ACOT12: variants seen among roughly 807,000 people sequenced by gnomAD.
ACOT12 encodes the protein acetyl-coenzyme A thioesterase.
In ACOT12, 51 loss-of-function variants were observed where a neutral mutation model predicts 67.7. The ratio of observed to expected loss-of-function variants is 0.75; its 90% CI spans 0.60 to 0.95. The LOEUF (loss-of-function observed/expected upper bound fraction) is 0.95, where lower values mean the gene tolerates loss of function less well. ACOT12 is among the 40% of genes least tolerant of loss of function. The probability of loss-of-function intolerance (pLI) is 0.00; values close to 1 mark genes in which losing one functional copy is unlikely to be tolerated. For synonymous variants in ACOT12, 251 were observed against 244.6 expected, an observed-to-expected ratio of 1.03 and a Z score of -0.24; for missense variants, 734 against 708.1, an observed-to-expected ratio of 1.04 and a Z score of -0.41.
downstream of ACOT12, among the ~76,000 whole-genome samples, chr5:81,327,099 C>G (rs1438875763): frequency 6.6e-6 from 1 of 151,182 alleles, no homozygotes; most frequent in Non-Finnish European, 1.5e-5. Context: ...AATGTCCAAG[C>G]TTATTTCTGA....
At chr5:81,335,274 G>A (rs893583860) in intron 12 of ACOT12, among the ~76,000 whole-genome samples, 1 of 152,206 alleles carries the variant, frequency 6.6e-6, no homozygotes. Flanking sequence ...TGTGTGTAAA[G>A]CAGGTCAACT....
At position 81,394,012 on chromosome 5, in the gene ACOT12, T is replaced by A; in HGVS notation, c.103A>T (p.Ile35Phe). 7.0e-7 allele frequency: 1 copy of A among 1,435,600 alleles called. No individual in the cohort carries two copies. The highest frequency in any genetic ancestry group is 9.1e-7 in the Non-Finnish European group (1 of 1,097,260). 88.9% of individuals were successfully genotyped at this position (1,435,600 alleles called of 1,614,324 possible). Reference protein sequence around the residue: ...ELSAGQLLKWIDTTACLAAEK... With the variant: ...ELSAGQLLKWFDTTACLAAEK... ...CCCGCCAGGCAGGCGGTGGTGTCGATCCACTTGAGCAGCTGCCCCGCGCTC... is the reference window on the plus strand; with the variant it reads ...CCCGCCAGGCAGGCGGTGGTGTCGAACCACTTGAGCAGCTGCCCCGCGCTC... The change falls in exon 1 of 15, where the codon ATC (isoleucine) becomes TTC (phenylalanine). Residue 35 changes from isoleucine to phenylalanine, a missense_variant. Ile to Phe is a conservative substitution (Grantham distance 21). Coordinates refer to ENST00000307624, the MANE Select transcript of ACOT12 (RefSeq NM_130767.3).
chr5:81,347,019 C>T (rs77703166), intron 6 of ACOT12, among the ~76,000 whole-genome samples: 2,905 of 152,152 alleles, frequency 0.019, 87 homozygotes, highest in African/African-American at 0.064. Flanking sequence ...ATATTCTCTT[C>T]TTTCTTTTCC....
Position 81,380,578 on chromosome 5 carries a change from AAAG to A in ACOT12, c.197+5176_197+5178del, listed in dbSNP as rs1463019900. Among the ~76,000 whole-genome samples, 7 of 126,068 alleles carry A rather than the reference AAAG, an allele frequency of 5.6e-5. 1 individual carries two copies. The highest frequency in any genetic ancestry group is 1.1e-4 in the African/African-American group (4 of 37,454). The allele number at this position is 126,068 out of a possible 152,430, so 82.7% of individuals were successfully genotyped here. Reference sequence around the variant, plus strand: ...GACTGTCTTAGAAAAAAAAAAAAAAAAAGAAAAGAAATCTATCCCACAAATATA... The same window carrying A: ...GACTGTCTTAGAAAAAAAAAAAAAAAAAAAGAAATCTATCCCACAAATATA... On this transcript the variant is annotated intron_variant, in intron 2 of 14. Coordinates refer to ENST00000307624, the MANE Select transcript of ACOT12 (RefSeq NM_130767.3).
chr5:81,352,314 G>A (rs1343674262), intron 5 of ACOT12, among the ~76,000 whole-genome samples: 1 of 152,194 alleles, frequency 6.6e-6, no homozygotes, highest in Non-Finnish European at 1.5e-5. Flanking sequence ...TCCCATGTTT[G>A]TTGCAGCCCT....
At chr5:81,340,611 C>T (rs1333867567) in intron 11 of ACOT12, among the ~76,000 whole-genome samples, 10 of 152,108 alleles carry the variant, frequency 6.6e-5, no homozygotes, top group African/African-American at 1.4e-4. Flanking sequence ...CCACCTGCCT[C>T]GGCCTCCCAA....
downstream of ACOT12, among the ~76,000 whole-genome samples, chr5:81,328,553 GC>G (rs1214351689): frequency 6.6e-6 from 1 of 152,128 alleles, no homozygotes; most frequent in Non-Finnish European, 1.5e-5. Flanking sequence ...TTTTGGAAAT[GC>G]CCTAAGGAGA....
chr5:81,384,705 A>G (rs1203631788), intron 2 of ACOT12, among the ~76,000 whole-genome samples: 1 of 152,190 alleles, frequency 6.6e-6, no homozygotes, highest in Non-Finnish European at 1.5e-5. Context: ...TTCTCAGAAC[A>G]TATCCCGTCA....
At chr5:81,360,059 A>G (rs1416308961) in intron 4 of ACOT12, 21 bp from the exon 5 acceptor site, 3 of 1,588,886 alleles carry the variant, frequency 1.9e-6, no homozygotes, top group Admixed American at 3.8e-5. Flanking sequence ...AAAAGCATTT[A>G]TCTTTTATTG....
the ACOT12 span, among the ~76,000 whole-genome samples, chr5:81,324,742 G>C: frequency 2.0e-5 from 3 of 152,158 alleles, no homozygotes; most frequent in African/African-American, 4.8e-5. Flanking sequence ...GTCAAGAAGA[G>C]AAAATGTTGC....
intron 5 of ACOT12, among the ~76,000 whole-genome samples, chr5:81,352,129 A>G (rs1411472802): frequency 6.6e-6 from 1 of 152,210 alleles, no homozygotes; most frequent in Non-Finnish European, 1.5e-5. Context: ...GGATGTGGAG[A>G]AAAGGGAACC....
At chr5:81,352,009 C>G (rs114271870) in intron 5 of ACOT12, among the ~76,000 whole-genome samples, 1 of 152,090 alleles carries the variant, frequency 6.6e-6, no homozygotes, top group Non-Finnish European at 1.5e-5. Flanking sequence ...AAAAAGGTAT[C>G]GACATCACTG....
chr5:81,368,332 A>G (rs534468127), intron 3 of ACOT12, among the ~76,000 whole-genome samples: 1 of 152,244 alleles, frequency 6.6e-6, no homozygotes, highest in African/African-American at 2.4e-5. Flanking sequence ...CTTGAACAAC[A>G]CTGTGAACCA....
chr5:81,385,699 A>G, intron 2 of ACOT12, 58 bp downstream of exon 2: 3 of 1,523,772 alleles, frequency 2.0e-6, no homozygotes, highest in Non-Finnish European at 2.7e-6. Flanking sequence ...CCACCAATAC[A>G]TGTCCCAGAT....
chr5:81,359,675 C>T (rs1210975184), intron 5 of ACOT12, among the ~76,000 whole-genome samples: 2 of 152,142 alleles, frequency 1.3e-5, no homozygotes, highest in Non-Finnish European at 2.9e-5. Flanking sequence ...CACCCTTTTT[C>T]CCCATCTCCT....
intron 3 of ACOT12, among the ~76,000 whole-genome samples, chr5:81,367,823 A>T (rs1760128623): frequency 6.6e-6 from 1 of 152,252 alleles, no homozygotes; most frequent in South Asian, 2.1e-4. Flanking sequence ...GTTTATAAGA[A>T]ACCCACTTAC....
At position 81,332,601 on chromosome 5, in the gene ACOT12, A is replaced by G; in HGVS notation, c.1267T>C (p.Cys423Arg). ...TCACTCACCCAGTCTATGACTTCAC[A>G]GGACCTGTGTATATAGAACAGTGAA... ...RPLWDPHFVS[C>R]EVIDWVSEDD... The change falls in exon 13 of 15, where the codon TGT becomes CGT. Residue 423 changes from cysteine to arginine, a missense_variant. By Grantham distance (180) the Cys-to-Arg change is radical (BLOSUM62 -3). Transcript: ENST00000307624. 2 of 1,614,006 alleles carry G rather than the reference A, an allele frequency of 1.2e-6. No individual in the cohort carries two copies. Among genetic ancestry groups the G allele is most frequent in the East Asian group, 4.5e-5 (2 of 44,864 alleles).
At chr5:81,334,986 A>C (rs1199183342) in intron 12 of ACOT12, among the ~76,000 whole-genome samples, 1 of 152,246 alleles carries the variant, frequency 6.6e-6, no homozygotes, top group Non-Finnish European at 1.5e-5. Flanking sequence ...GGGCTCACAC[A>C]GCTTGCTCTC....
chr5:81,349,241 A>T (rs1759479385), intron 5 of ACOT12, among the ~76,000 whole-genome samples: 1 of 152,034 alleles, frequency 6.6e-6, no homozygotes, highest in Non-Finnish European at 1.5e-5. Context: ...TTAATTGATG[A>T]TCTCTTTTAT....
Sources: gnomAD v4.1 joint callset for allele counts (sites outside exome capture counted in the v4.1 genomes callset) on GRCh38, gnomAD v4.1.1 for gene constraint, MANE v1.5 for transcripts, NCBI Gene and HGNC (gene_info 2026-07-23, HGNC 2026-07-21) for gene names.